The following SBF1 variants were observed in gnomAD, a reference collection of about 807,000 sequenced individuals.
SBF1 encodes the protein SET binding factor 1.
In SBF1, 65 loss-of-function variants were observed where a neutral mutation model predicts 215.8. The ratio of observed to expected loss-of-function variants is 0.30; its 90% CI spans 0.25 to 0.37. The LOEUF is 0.37. SBF1 is among the 10% of genes least tolerant of loss of function. The pLI is 1.00. For synonymous variants in SBF1, 1,410 were observed against 1,122.8 expected (o/e 1.26, Z -5.11); for missense variants, 2,634 against 2,667.8 (o/e 0.99, Z 0.28).
In SBF1 at chr22:50,461,052, G is replaced by A. The variant is rs958717998; in HGVS notation, c.2967+107C>T. On this transcript the variant is annotated intron_variant, in intron 23 of 40. Coordinates refer to ENST00000380817, the MANE Select transcript of SBF1 (RefSeq NM_002972.4). Reference sequence around the variant, plus strand: ...CCCAGACATGCAAGCGTAACAACAGGGCCACTGCTGGAGACTGGCCTAAAA... The same window carrying A: ...CCCAGACATGCAAGCGTAACAACAGAGCCACTGCTGGAGACTGGCCTAAAA... The A allele has an allele frequency of 6.0e-5, 84 of 1,396,056 alleles. No homozygotes were observed. The African/African-American group carries it at 8.2e-4, about 14-fold the overall frequency. The allele number at this position is 1,396,056 out of a possible 1,614,324, so 86.5% of individuals were successfully genotyped here.
chr22:50,474,770 T>TGGCCTCGGCACTCACCGCGC lies in SBF1; in HGVS notation c.51_55+15dup, dbSNP rs1426723249. 3.4e-6 allele frequency: 5 copies of TGGCCTCGGCACTCACCGCGC among 1,460,832 alleles called. No individual in the cohort carries two copies. Among genetic ancestry groups the TGGCCTCGGCACTCACCGCGC allele is most frequent in the Non-Finnish European group, 4.5e-6 (5 of 1,110,122 alleles). 90.5% of individuals were successfully genotyped at this position (1,460,832 alleles called of 1,614,324 possible). A position where few individuals can be genotyped will look rare whatever the true frequency, so the allele number is the denominator to read the frequency against. On this transcript the variant is annotated intron_variant, in intron 1 of 40. Transcript: ENST00000380817. ...CCCTCGGCCCCCGGCCCTCAGCGCTTGGCCTCGGCACTCACCGCGCGGGTG... is the reference window on the plus strand; with the variant it reads ...CCCTCGGCCCCCGGCCCTCAGCGCTTGGCCTCGGCACTCACCGCGCGGCCTCGGCACTCACCGCGCGGGTG...
rs148111223 is a variant in SBF1, at chr22:50,455,352, G to C, written c.4426C>G (p.Arg1476Gly). Reference sequence around the variant, plus strand: ...AGCCACTCCTTCTCCACCAGCAGGCGAAAGCCCTCCAGCGTGCGGTAGAAG... The same window carrying C: ...AGCCACTCCTTCTCCACCAGCAGGCCAAAGCCCTCCAGCGTGCGGTAGAAG... ...DPFYRTLEGF[R>G]LLVEKEWLSF... is the part of the protein sequence containing the mutation. The change falls in exon 33 of 41, where the codon CGC (arginine) becomes GGC (glycine). Residue 1476 changes from arginine (R) to glycine (G), a missense_variant. By Grantham distance (125) the Arg-to-Gly change is moderately radical. Coordinates refer to ENST00000380817, the MANE Select transcript of SBF1 (RefSeq NM_002972.4). 106 of 1,613,488 alleles carry C rather than the reference G, an allele frequency of 6.6e-5. No individual in the cohort carries two copies. The East Asian group carries it at 2.3e-3, about 34-fold the overall frequency.
intron 24 of SBF1, 37 bp from the exon 25 acceptor site, chr22:50,460,445 A>T: frequency 6.2e-7 from 1 of 1,601,732 alleles, no homozygotes; most frequent in Non-Finnish European, 8.5e-7. Context: ...TGAGAGGAGG[A>T]GGGACAAAGA....
intron 9 of SBF1, 22 bp from the exon 10 acceptor site, chr22:50,465,862 G>C (rs1209385722): frequency 6.2e-7 from 1 of 1,612,998 alleles, no homozygotes. Flanking sequence ...GAATGGAGCA[G>C]GCAGCTGCAC....
intron 36 of SBF1, among the ~76,000 whole-genome samples, chr22:50,453,547 G>A (rs1228099082): frequency 2.0e-5 from 3 of 152,190 alleles, no homozygotes; most frequent in Non-Finnish European, 4.4e-5. Context: ...CAGCACTTTG[G>A]GAGGCCGAGG....
chr22:50,459,423 AG>A, intron 27 of SBF1, 31 bp from the exon 28 acceptor site: 9 of 1,611,234 alleles, frequency 5.6e-6, no homozygotes, highest in Non-Finnish European at 7.6e-6. Context: ...GAGGGAGGGG[AG>A]GGTGAGATAG....
Position 50,467,661 on chromosome 22 carries a change from C to T in SBF1, c.309G>A (p.Glu103=), listed in dbSNP as rs1201125443. 3 of 1,613,668 alleles carry T rather than the reference C, an allele frequency of 1.9e-6. No homozygotes were observed. The highest frequency in any genetic ancestry group is 1.1e-5 in the South Asian group (1 of 91,070). The part of the protein sequence containing the change: ...QETTRVEDAT[E]REEEGDEGGQ... ...CTCCCTCATCCCCCTCTTCCTCCCT[C>T]TCTGTGGCATCCTCCACGCGCGTCG... The change falls in exon 4 of 41, where the codon GAG becomes GAA. Residue 103 remains glutamate, a synonymous_variant. Coordinates refer to ENST00000380817, the MANE Select transcript of SBF1 (RefSeq NM_002972.4).
chr22:50,466,045 T>G lies in SBF1; in HGVS notation c.927A>C (p.Gly309=), dbSNP rs1325202239. Residue 309 remains glycine, a synonymous_variant, in exon 9 of 41, where the codon GGA becomes GGC. Coordinates refer to ENST00000380817, the MANE Select transcript of SBF1 (RefSeq NM_002972.4). Reference sequence around the variant, plus strand: ...CACACTCAGGAATGGTGACCGTCCCTCCATCCAGATCAGCAACAATCACAT... The same window carrying G: ...CACACTCAGGAATGGTGACCGTCCCGCCATCCAGATCAGCAACAATCACAT... ...LLDVIVADLD[G]GTVTIPECVH... The G allele has an allele frequency of 6.2e-7, 1 of 1,613,824 alleles. No individual in the cohort carries two copies. The highest frequency in any genetic ancestry group is 8.5e-7 in the Non-Finnish European group (1 of 1,180,012).
intron 5 of SBF1, chr22:50,467,031 G>A: frequency 8.7e-6 from 5 of 573,518 alleles, no homozygotes; most frequent in East Asian, 2.9e-5. Flanking sequence ...AGAAAGACAC[G>A]GTTAGACACT....
chr22:50,454,398 C>CA, intron 36 of SBF1, 114 bp downstream of exon 36: 2 of 948,224 alleles, frequency 2.1e-6, no homozygotes, highest in Non-Finnish European at 3.2e-6. Flanking sequence ...CACCAACCCC[C>CA]AGGGGTAACC....
intron 1 of SBF1, among the ~76,000 whole-genome samples, chr22:50,471,522 C>T (rs1052194547): frequency 2.0e-5 from 3 of 152,152 alleles, no homozygotes; most frequent in Non-Finnish European, 4.4e-5. Context: ...CAGCCCTGGC[C>T]GGCTCTGCTG....
intron 15 of SBF1, 62 bp from the exon 16 acceptor site, chr22:50,463,494 C>G: frequency 6.8e-7 from 1 of 1,474,746 alleles, no homozygotes. Context: ...GGGGCCCTGG[C>G]AGGGAGGGCA....
chr22:50,448,084 C>G, intron 38 of SBF1, 149 bp downstream of exon 38: 1 of 723,020 alleles, frequency 1.4e-6, no homozygotes, highest in South Asian at 1.8e-5. Flanking sequence ...GCTGTGGTCA[C>G]CAGTTCGACA....
chr22:50,463,511 G>A, intron 15 of SBF1, 79 bp from the exon 16 acceptor site: 1 of 1,434,422 alleles, frequency 7.0e-7, no homozygotes, highest in Admixed American at 2.5e-5. Flanking sequence ...GGCAGCAGGT[G>A]TCCAGGAGAC....
chr22:50,447,105 C>T lies in SBF1; in HGVS notation c.*37G>A, dbSNP rs376803955. The T allele has an allele frequency of 2.4e-3, 3,788 of 1,571,442 alleles. 6 individuals carry two copies. Among genetic ancestry groups the T allele is most frequent in the Middle Eastern group, 3.2e-3 (15 of 4,710 alleles). On this transcript the variant is annotated 3_prime_UTR_variant, in exon 41 of 41. Transcript: ENST00000380817. Reference sequence around the variant, plus strand: ...CCTGCCCACCCCTAGTGGTCGGTAACGACCGGAAGCAGAGCAGCCGGGCAG... The same window carrying T: ...CCTGCCCACCCCTAGTGGTCGGTAATGACCGGAAGCAGAGCAGCCGGGCAG...
In SBF1 at chr22:50,461,266, G is replaced by A. The variant is rs755612597; in HGVS notation, c.2860C>T (p.Arg954Cys). The A allele has an allele frequency of 3.1e-6, 5 of 1,608,550 alleles. No individual in the cohort carries two copies. Among genetic ancestry groups the A allele is most frequent in the South Asian group, 2.2e-5 (2 of 90,888 alleles). Residue 954 changes from arginine to cysteine, a missense_variant, in exon 23 of 41, where the codon CGC (arginine) becomes TGC (cysteine). Coordinates refer to ENST00000380817, the MANE Select transcript of SBF1 (RefSeq NM_002972.4). ...GTCAGCGCAGCCACCGGGAAGGAGC[G>A]GACCACCACCTGCTCCCCAACTTAG... is the stretch of plus-strand genomic sequence containing the variant. ...DPLVGEQVVV[R>C]SFPVAALTKE...
Position 50,466,613 on chromosome 22 carries a change from C to A in SBF1, c.647G>T (p.Arg216Leu). Residue 216 changes from arginine to leucine, a missense_variant, in exon 6 of 41, where the codon CGC becomes CTC. By Grantham distance (102) the Arg-to-Leu change is moderately radical. Coordinates refer to ENST00000380817, the MANE Select transcript of SBF1 (RefSeq NM_002972.4). ...GGGACAGACAGGCTCACCTAGCTGG[C>A]GGAAGAGCAGGGCCACGCTGCAGCG... ...VSRCSVALLF[R>L]QLGITNVLSL... 2 of 1,550,154 alleles carry A rather than the reference C, an allele frequency of 1.3e-6. No individual in the cohort carries two copies. The highest frequency in any genetic ancestry group is 1.7e-6 in the Non-Finnish European group (2 of 1,146,016).
At chr22:50,450,445 T>C (rs557084452) in intron 36 of SBF1, among the ~76,000 whole-genome samples, 3 of 149,122 alleles carry the variant, frequency 2.0e-5, no homozygotes, top group Non-Finnish European at 3.0e-5. Context: ...TGCTTGAACA[T>C]GGGAAGTGGA....
At chr22:50,454,980 G>T (rs2067190696) in intron 34 of SBF1, 36 bp from the exon 35 acceptor site, 2 of 1,613,804 alleles carry the variant, frequency 1.2e-6, no homozygotes, top group Non-Finnish European at 1.7e-6. Flanking sequence ...GGCCCCTCCT[G>T]ACCCGTGGCT....
Sources: gnomAD v4.1 joint callset for allele counts (sites outside exome capture counted in the v4.1 genomes callset) on GRCh38, gnomAD v4.1.1 for gene constraint, MANE v1.5 for transcripts, NCBI Gene and HGNC (gene_info 2026-07-23, HGNC 2026-07-21) for gene names.